The following WNT5B variants were observed in gnomAD, a reference collection of about 807,000 sequenced individuals.
WNT5B encodes the protein Wnt family member 5B.
WNT5B carries 18 observed loss-of-function variants against 36.5 expected under a neutral mutation model. That is an observed-to-expected ratio of 0.49 (90% CI 0.34 to 0.73). WNT5B has a LOEUF of 0.73. Ranked by LOEUF, WNT5B falls within the 30% of genes least tolerant of loss-of-function variation. WNT5B has a pLI of 0.01. For synonymous variants in WNT5B, 213 were observed against 212.3 expected (o/e 1.00, Z -0.03); for missense variants, 424 against 508.4 (o/e 0.83, Z 1.60).
chr12:1,641,106 C>T (rs779041918), intron 4 of WNT5B, among the ~76,000 whole-genome samples: 45 of 152,152 alleles, frequency 3.0e-4, no homozygotes, highest in African/African-American at 1.0e-3. Context: ...GAATGGTGGC[C>T]GGGAGCAGTG....
At chr12:1,620,347 G>A (rs992551141) in intron 1 of WNT5B, among the ~76,000 whole-genome samples, 5 of 152,182 alleles carry the variant, frequency 3.3e-5, no homozygotes, top group Non-Finnish European at 7.3e-5. Flanking sequence ...ATACTTTCTT[G>A]TGACTTGCTT....
At chr12:1,627,831 T>C (rs953869827), upstream of WNT5B, among the ~76,000 whole-genome samples, 39 of 152,162 alleles carry the variant, frequency 2.6e-4, no homozygotes, top group African/African-American at 8.9e-4. This position sits in a 1 kb window ranked among gnomAD's most constrained non-coding sequence, Gnocchi z 5.0. Context: ...ACATCAAGTA[T>C]GCTACCACCC....
Position 1,639,897 on chromosome 12 carries a change from G to A in WNT5B, c.542G>A (p.Arg181Gln), listed in dbSNP as rs998571172. Residue 181 changes from arginine to glutamine, a missense_variant, in exon 4 of 5, where the codon CGA becomes CAA. Physicochemically the swap from Arg to Gln is conservative, Grantham distance 43. Transcript: ENST00000397196. The stretch of plus-strand genomic sequence containing the variant: ...AAGGAGTTTGTGGATGCCCGGGAGC[G>A]AGAGAAGAACTTTGCCAAAGGATCA... ...FAKEFVDARE[R>Q]EKNFAKGSEE... is the part of the protein sequence containing the mutation. 3 of 1,614,076 alleles carry A rather than the reference G, an allele frequency of 1.9e-6. No individual in the cohort carries two copies. The highest frequency in any genetic ancestry group is 2.2e-5 in the South Asian group (2 of 91,076).
At chr12:1,623,906 T>A (rs2154439325) in intron 1 of WNT5B, among the ~76,000 whole-genome samples, 1 of 152,338 alleles carries the variant, frequency 6.6e-6, no homozygotes, top group South Asian at 2.1e-4. Context: ...CATATCATTT[T>A]GGCTAGGGGA....
At chr12:1,637,104 G>A (rs923398615) in intron 3 of WNT5B, among the ~76,000 whole-genome samples, 4 of 151,812 alleles carry the variant, frequency 2.6e-5, no homozygotes, top group Admixed American at 6.6e-5. Context: ...CTCCTGTCTC[G>A]GCCTCAAATT....
At chr12:1,640,505 T>C (rs2094573020) in intron 4 of WNT5B, among the ~76,000 whole-genome samples, 1 of 152,162 alleles carries the variant, frequency 6.6e-6, no homozygotes, top group South Asian at 2.1e-4. Flanking sequence ...ATTTTAGACA[T>C]AAGTGGAAGT....
rs2094585508 is a variant in WNT5B, at chr12:1,646,240, C to T, written c.1068C>T (p.Tyr356=). 1 of 1,611,392 alleles carries T rather than the reference C, an allele frequency of 6.2e-7. No homozygotes were observed. Among genetic ancestry groups the T allele is most frequent in the South Asian group, 1.1e-5 (1 of 90,982 alleles). ...AGTGCACGGAGATCGTGGACCAGTA[C>T]ATCTGTAAATAGCCCGGAGGGCCTG... ...CKKCTEIVDQ[Y]ICK The change falls in exon 5 of 5, where the codon TAC becomes TAT. Residue 356 remains tyrosine, a synonymous_variant. Transcript: ENST00000397196.
Position 1,644,238 on chromosome 12 carries a change from G to T in WNT5B, c.622-1556G>T, listed in dbSNP as rs1466516217. 6.6e-6 allele frequency among the ~76,000 whole-genome samples: 1 copy of T among 152,158 alleles called. No homozygotes were observed. The highest frequency in any genetic ancestry group is 1.5e-5 in the Non-Finnish European group (1 of 68,040). On this transcript the variant is annotated intron_variant, in intron 4 of 4. Transcript: ENST00000397196. This position sits in a 1 kb window ranked among gnomAD's most constrained non-coding sequence, Gnocchi z 5.1. ...TCTTTGAAGTGTCTGTCAGGATGGG[G>T]TGTCAGTTCCTTTATGTCTTGGACC...
intron 1 of WNT5B, among the ~76,000 whole-genome samples, chr12:1,622,808 T>C (rs116911475): frequency 1.3e-3 from 205 of 152,332 alleles, no homozygotes; most frequent in East Asian, 0.013. Context: ...CAGATGAGCA[T>C]GCCACACTAT....
rs377198012 is a variant in WNT5B at position 1,632,942 on chromosome 12, T to A, written c.328+37T>A. Reference sequence around the variant, plus strand: ...TTACAAGAGGGCTCGGCCAAGGAACTGCACTCGTCTCGTTTGGGAGCAATT... The same window carrying A: ...TTACAAGAGGGCTCGGCCAAGGAACAGCACTCGTCTCGTTTGGGAGCAATT... On this transcript the variant is annotated intron_variant, in intron 3 of 4. Transcript: ENST00000397196. The surrounding 1 kb of genome is among the most constrained non-coding windows in gnomAD (Gnocchi z 5.8). 17 of 1,572,692 alleles carry A rather than the reference T, an allele frequency of 1.1e-5. No individual in the cohort carries two copies. Among genetic ancestry groups the A allele is most frequent in the South Asian group, 1.2e-5 (1 of 86,064 alleles).
chr12:1,620,853 G>A (rs1448482371), intron 1 of WNT5B, among the ~76,000 whole-genome samples: 5 of 151,074 alleles, frequency 3.3e-5, no homozygotes, highest in East Asian at 2.0e-4. Context: ...ACAGGCATGC[G>A]CCACCACCCC....
At chr12:1,636,368 A>G (rs914169168) in intron 3 of WNT5B, among the ~76,000 whole-genome samples, 1 of 151,198 alleles carries the variant, frequency 6.6e-6, no homozygotes, top group African/African-American at 2.4e-5. Context: ...GGCGACCACT[A>G]TTCTTTCTGT....
At chr12:1,621,738 C>A (rs557894585) in intron 1 of WNT5B, among the ~76,000 whole-genome samples, 1 of 147,956 alleles carries the variant, frequency 6.8e-6, no homozygotes, top group Non-Finnish European at 1.5e-5. Context: ...AGAGATGAGG[C>A]CTCACTATGT....
chr12:1,639,286 C>T (rs752145971), intron 3 of WNT5B, among the ~76,000 whole-genome samples: 22 of 151,310 alleles, frequency 1.5e-4, no homozygotes, highest in Admixed American at 1.1e-3. Flanking sequence ...TACAGGCGCC[C>T]GCCACCACGC....
chr12:1,626,199 G>C (rs561961680), upstream of WNT5B, among the ~76,000 whole-genome samples: 33 of 151,716 alleles, frequency 2.2e-4, no homozygotes, highest in African/African-American at 7.7e-4. Flanking sequence ...GCTCAAGCAA[G>C]CCTCCCACCT....
At chr12:1,622,049 G>A (rs562763666) in intron 1 of WNT5B, among the ~76,000 whole-genome samples, 2 of 151,124 alleles carry the variant, frequency 1.3e-5, no homozygotes, top group African/African-American at 4.9e-5. Context: ...ATTCTTCAAG[G>A]CCCTACTCAA....
rs1399106627 is a variant in WNT5B at position 1,618,339 on chromosome 12, G to T, written c.-58+1196G>T. Among the ~76,000 whole-genome samples the T allele has an allele frequency of 6.6e-6, 1 of 152,202 alleles. No homozygotes were observed. The highest frequency in any genetic ancestry group is 1.5e-5 in the Non-Finnish European group (1 of 68,042). On this transcript the variant is annotated intron_variant, in intron 1 of 4. Coordinates refer to the WNT5B transcript ENST00000310594. This position sits in a 1 kb window ranked among gnomAD's most constrained non-coding sequence, Gnocchi z 4.1. ...TCCACCTGCCCTTGGTGGTGATCCA[G>T]AAGTCCATTTATTTACTTCATTCAC...
At chr12:1,642,804 C>T (rs1280676984) in intron 4 of WNT5B, among the ~76,000 whole-genome samples, 1 of 152,210 alleles carries the variant, frequency 6.6e-6, no homozygotes, top group African/African-American at 2.4e-5. Context: ...TCTGTCTCCC[C>T]GCTTAGCCCC....
rs990598734 is a variant in WNT5B at position 1,646,659 on chromosome 12, G to C, written c.*407G>C. Reference sequence around the variant, plus strand: ...CCACTAGGCCAAGAGGCCCTATGAAGGTGGCGGGAACTCAGCTTCAACCTC... The same window carrying C: ...CCACTAGGCCAAGAGGCCCTATGAACGTGGCGGGAACTCAGCTTCAACCTC... On this transcript the variant is annotated 3_prime_UTR_variant, in exon 5 of 5. Transcript: ENST00000397196. 5.8e-5 allele frequency: 9 copies of C among 154,668 alleles called. No homozygotes were observed. Among genetic ancestry groups the C allele is most frequent in the African/African-American group, 2.2e-4 (9 of 41,450 alleles). The allele number at this position is 154,668 out of a possible 1,614,324, so 9.6% of individuals were successfully genotyped here. A position where few individuals can be genotyped will look rare whatever the true frequency, so the allele number is the denominator to read the frequency against.
Sources: allele counts gnomAD v4.1 joint callset (sites outside exome capture counted in the v4.1 genomes callset), GRCh38; gene constraint gnomAD v4.1.1; non-coding constraint Gnocchi (gnomAD v3.1); transcripts MANE v1.5; gene names NCBI Gene and HGNC (gene_info 2026-07-23, HGNC 2026-07-21).